Variants in DZIP3 observed in about 807,000 individuals in gnomAD.
DZIP3 encodes the protein DAZ interacting zinc finger protein 3, also known as E3 ubiquitin-protein ligase DZIP3.
Under a neutral mutation model 162.0 loss-of-function variants are expected in DZIP3, and 118 were observed. The ratio of observed to expected loss-of-function variants is 0.73; its 90% CI spans 0.63 to 0.85. DZIP3 has a LOEUF of 0.85. DZIP3 is among the 40% of genes least tolerant of loss of function. DZIP3 has a pLI of 0.00. For missense variants in DZIP3, 1,331 were observed against 1,407.0 expected, an observed-to-expected ratio of 0.95 and a Z score of 0.86; for synonymous variants, 438 against 458.6, an observed-to-expected ratio of 0.96 and a Z score of 0.57.
intron 12 of DZIP3, among the ~76,000 whole-genome samples, chr3:108,638,234 C>A (rs1188276200): frequency 6.6e-6 from 1 of 152,138 alleles, no homozygotes; most frequent in Non-Finnish European, 1.5e-5. Flanking sequence ...TATTTATAAT[C>A]CAGCATGTCC....
At chr3:108,611,525 A>T (rs1022395755) in intron 4 of DZIP3, among the ~76,000 whole-genome samples, 196 bp downstream of exon 4, 1 of 152,182 alleles carries the variant, frequency 6.6e-6, no homozygotes, top group African/African-American at 2.4e-5. Context: ...ATTTGGTGCT[A>T]GCCTTTTAAG....
chr3:108,612,676 G>A lies in DZIP3; in HGVS notation c.258+1347G>A, dbSNP rs558896013. ...TCCCGTATGTGTTACACCATCTCTA[G>A]ATTACATCTAGGTATTACATATCTA... On this transcript the variant is annotated intron_variant, in intron 4 of 32. Transcript: ENST00000361582. Among the ~76,000 whole-genome samples the A allele has an allele frequency of 5.3e-5, 8 of 152,124 alleles. No individual in the cohort carries two copies. The South Asian group carries it at 1.2e-3, about 24-fold the overall frequency.
chr3:108,619,040 G>A (rs1473617370), intron 5 of DZIP3, among the ~76,000 whole-genome samples: 2 of 126,592 alleles, frequency 1.6e-5, no homozygotes, highest in African/African-American at 3.2e-5. Flanking sequence ...CAGCCTAGGT[G>A]ACAGATTGAG....
rs919916089 is a variant in DZIP3 at position 108,677,548 on chromosome 3, A to G, written c.2833A>G (p.Thr945Ala). ...NKVKQGFALS[T>A]LPPVQLPPPP... ...AGTCAAGCAAGGATTTGCCTTGAGT[A>G]CCTTGCCTCCAGTCCAGCTTCCTCC... is the stretch of plus-strand genomic sequence containing the variant. The change falls in exon 26 of 33, where the codon ACC becomes GCC. Residue 945 changes from threonine to alanine, a missense_variant. Coordinates refer to ENST00000361582, the MANE Select transcript of DZIP3 (RefSeq NM_014648.4). The G allele has an allele frequency of 1.2e-6, 2 of 1,612,668 alleles. No homozygotes were observed. Among genetic ancestry groups the G allele is most frequent in the East Asian group, 2.2e-5 (1 of 44,836 alleles).
chr3:108,658,992 A>G (rs1943284188), intron 19 of DZIP3, among the ~76,000 whole-genome samples: 1 of 152,202 alleles, frequency 6.6e-6, no homozygotes. Context: ...AATTGAGGCA[A>G]TAATTAATAG....
chr3:108,600,457 A>T (rs1294705244), intron 1 of DZIP3, among the ~76,000 whole-genome samples: 1 of 152,092 alleles, frequency 6.6e-6, no homozygotes, highest in Non-Finnish European at 1.5e-5. Flanking sequence ...ACTAAAGTAG[A>T]TGTATATGTG....
chr3:108,640,372 T>C (rs1167833484), intron 12 of DZIP3, among the ~76,000 whole-genome samples: 2 of 149,344 alleles, frequency 1.3e-5, no homozygotes, highest in African/African-American at 2.5e-5. Flanking sequence ...TATTAAATGC[T>C]ACACACACAT....
chr3:108,688,573 C>T lies in DZIP3; in HGVS notation c.3271-20C>T, dbSNP rs1437883809. 1 of 1,607,496 alleles carries T rather than the reference C, an allele frequency of 6.2e-7. No individual in the cohort carries two copies. On this transcript the variant is annotated intron_variant, in intron 29 of 32. Coordinates refer to ENST00000361582, the MANE Select transcript of DZIP3 (RefSeq NM_014648.4). ...TTTAGGATAATTCTGAAAAAATAAA[C>T]ATTATGTTCTTATTTTCAGAGTCAA...
intron 28 of DZIP3, 62 bp downstream of exon 28, chr3:108,686,646 T>A (rs1559787250): frequency 1.4e-6 from 2 of 1,394,946 alleles, no homozygotes; most frequent in Non-Finnish European, 9.4e-7. Context: ...ATAGCCATAA[T>A]TGTGGCAATG....
chr3:108,637,981 A>C (rs908126652), intron 12 of DZIP3, among the ~76,000 whole-genome samples: 11 of 152,164 alleles, frequency 7.2e-5, no homozygotes, highest in Non-Finnish European at 1.5e-4. Flanking sequence ...GAGTGTTGCT[A>C]CTGAAGTTAG....
At chr3:108,650,511 C>T (rs2107225599) in intron 17 of DZIP3, among the ~76,000 whole-genome samples, 1 of 151,752 alleles carries the variant, frequency 6.6e-6, no homozygotes, top group Admixed American at 6.6e-5. Flanking sequence ...CTGTAATACT[C>T]TTAGTTTAAT....
Position 108,644,205 on chromosome 3 carries a change from C to A in DZIP3, c.1183C>A (p.His395Asn), listed in dbSNP as rs774598055. 6.2e-7 allele frequency: 1 copy of A among 1,608,718 alleles called. No individual in the cohort carries two copies. Among genetic ancestry groups the A allele is most frequent in the South Asian group, 1.1e-5 (1 of 90,114 alleles). ...IFKLDYNYFY[H>N]LLHIIIISGT... ...CAAGCTTGATTATAATTATTTCTAT[C>A]ATCTGCTTCATATAATTATTATTTC... is the stretch of plus-strand genomic sequence containing the variant. The change falls in exon 14 of 33, where the codon CAT (histidine) becomes AAT (asparagine). Residue 395 changes from histidine (H) to asparagine (N), a missense_variant. Physicochemically the swap from His to Asn is moderately conservative, Grantham distance 68. Coordinates refer to ENST00000361582, the MANE Select transcript of DZIP3 (RefSeq NM_014648.4).
At chr3:108,647,016 G>A (rs1942651881) in intron 15 of DZIP3, among the ~76,000 whole-genome samples, 2 of 152,268 alleles carry the variant, frequency 1.3e-5, no homozygotes, top group South Asian at 4.1e-4. Context: ...ATTCCAGCCT[G>A]GGCGACAGAG....
chr3:108,626,205 T>G (rs1941583496), intron 7 of DZIP3, among the ~76,000 whole-genome samples: 1 of 152,230 alleles, frequency 6.6e-6, no homozygotes, highest in African/African-American at 2.4e-5. Flanking sequence ...AGCATAGGCT[T>G]TAGAGTCTGA....
intron 9 of DZIP3, 38 bp from the exon 10 acceptor site, chr3:108,634,833 C>A: frequency 7.4e-7 from 1 of 1,343,372 alleles, no homozygotes; most frequent in South Asian, 1.3e-5. Context: ...CAAGAATCAC[C>A]ATGTCCTTAT....
chr3:108,654,162 A>C lies in DZIP3; in HGVS notation c.2051A>C (p.Lys684Thr). ...GACTACAGCCCATATGTGGTAGAAA[A>C]GGAAGAGCAGTTGAGGAAAGAACAA... ...KEDQVPYVVE[K>T]EEQLRKEQAN... The change falls in exon 19 of 33, where the codon AAG (lysine) becomes ACG (threonine). Residue 684 changes from lysine to threonine, a missense_variant. Around this residue, in one of 2 missense-constraint regions of DZIP3, gnomAD observed 1,278 missense variants for 1,317.1 expected, o/e 0.97. Coordinates refer to ENST00000361582, the MANE Select transcript of DZIP3 (RefSeq NM_014648.4). The C allele has an allele frequency of 6.2e-7, 1 of 1,613,368 alleles. No homozygotes were observed. The highest frequency in any genetic ancestry group is 1.3e-5 in the African/African-American group (1 of 75,058).
chr3:108,646,698 T>C, intron 15 of DZIP3, 49 bp downstream of exon 15: 1 of 1,299,322 alleles, frequency 7.7e-7, no homozygotes, highest in Non-Finnish European at 1.1e-6. Flanking sequence ...TAACAAGGGA[T>C]ACCTATGAAA....
intron 7 of DZIP3, among the ~76,000 whole-genome samples, chr3:108,627,041 A>T (rs1941620360): frequency 6.6e-6 from 1 of 152,192 alleles, no homozygotes. Context: ...TATCCACAAG[A>T]CATCTCACTT....
At chr3:108,643,439 G>A (rs981154939) in intron 13 of DZIP3, among the ~76,000 whole-genome samples, 7 of 151,824 alleles carry the variant, frequency 4.6e-5, no homozygotes, top group African/African-American at 9.7e-5. Context: ...TGAAATATCC[G>A]GCAATTTTGT....
Sources: allele counts gnomAD v4.1 joint callset (sites outside exome capture counted in the v4.1 genomes callset), GRCh38; gene constraint gnomAD v4.1.1; regional missense constraint gnomAD v4.1.1; transcripts MANE v1.5; gene names NCBI Gene and HGNC (gene_info 2026-07-23, HGNC 2026-07-21).